Variants in PNLDC1 observed in about 807,000 individuals in gnomAD.
PNLDC1 encodes PARN like ribonuclease domain containing exonuclease 1, also known as poly(A)-specific ribonuclease PNLDC1.
PNLDC1 carries 70 observed loss-of-function variants against 82.0 expected under a neutral mutation model. The observed-to-expected ratio is 0.85, with a 90% CI of 0.70 to 1.04. PNLDC1 has a LOEUF of 1.04. Among genes scored for constraint, PNLDC1 ranks in the 50% least tolerant of loss-of-function variants. PNLDC1 has a pLI of 0.00. For missense variants in PNLDC1, 631 were observed against 661.1 expected, an observed-to-expected ratio of 0.95 and a Z score of 0.50; for synonymous variants, 280 against 249.3, an observed-to-expected ratio of 1.12 and a Z score of -1.16.
rs140700629 is a variant in PNLDC1, at chr6:159,819,258, C to T, written c.1438C>T (p.Arg480Trp). ...ACAGCAAACTTGTTTTGGCAGTGCG[C>T]GGAACATCCTGAAGGAGTACCGGGA... ...LLLTNKFKDARNILKEYRDHP... is the reference protein window; with the variant it reads ...LLLTNKFKDAWNILKEYRDHP... The change falls in exon 18 of 19, where the codon CGG becomes TGG. Residue 480 changes from arginine to tryptophan, a missense_variant. Coordinates refer to ENST00000392167, the MANE Select transcript of PNLDC1 (RefSeq NM_001271862.2). The surrounding 1 kb of genome is among the most constrained non-coding windows in gnomAD (Gnocchi z 4.6). 64 of 1,613,712 alleles carry T rather than the reference C, an allele frequency of 4.0e-5. No homozygotes were observed. Among genetic ancestry groups the T allele is most frequent in the Middle Eastern group, 3.3e-4 (2 of 6,084 alleles).
intron 13 of PNLDC1, among the ~76,000 whole-genome samples, 171 bp from the exon 14 acceptor site, chr6:159,816,372 C>T (rs1433196646): frequency 6.6e-6 from 1 of 151,270 alleles, no homozygotes; most frequent in Non-Finnish European, 1.5e-5. Flanking sequence ...GATCTTGGGG[C>T]TTTCTCCACC....
At chr6:159,808,545 A>AAAC (rs1562500006) in intron 7 of PNLDC1, among the ~76,000 whole-genome samples, 195 bp from the exon 8 acceptor site, 3 of 151,760 alleles carry the variant, frequency 2.0e-5, no homozygotes, top group Admixed American at 1.3e-4. Flanking sequence ...AAAAAAAAAA[A>AAAC]AACTCTTAGA....
chr6:159,812,647 G>A (rs1781682440), intron 11 of PNLDC1, among the ~76,000 whole-genome samples: 1 of 152,156 alleles, frequency 6.6e-6, no homozygotes, highest in South Asian at 2.1e-4. Context: ...AAAGCTCCCT[G>A]GGTGATTCTG....
At chr6:159,813,465 C>T in intron 11 of PNLDC1, 136 bp from the exon 12 acceptor site, 1 of 748,782 alleles carries the variant, frequency 1.3e-6, no homozygotes. Context: ...AGGATGGTTG[C>T]ACCATTTGAA....
rs749078078 is a variant in PNLDC1, at chr6:159,804,702, C to CG, written c.461+68dup. 6.3e-4 allele frequency: 787 copies of CG among 1,257,898 alleles called. 3 individuals are homozygous for CG. Among genetic ancestry groups the CG allele is most frequent in the Non-Finnish European group, 7.7e-4 (671 of 869,910 alleles). 77.9% of individuals were successfully genotyped at this position (1,257,898 alleles called of 1,614,324 possible). A position where few individuals can be genotyped will look rare whatever the true frequency, so the allele number is the denominator to read the frequency against. On this transcript the variant is annotated intron_variant, in intron 6 of 18. Coordinates refer to ENST00000392167, the MANE Select transcript of PNLDC1 (RefSeq NM_001271862.2). ...TGCTGTTGTCTGCATTTCCCGTGGGCGGGCGTGCCGTTTCCAGGAGTGTGG... is the reference window on the plus strand; with the variant it reads ...TGCTGTTGTCTGCATTTCCCGTGGGCGGGGCGTGCCGTTTCCAGGAGTGTGG...
Position 159,800,401 on chromosome 6 carries a change from C to A in PNLDC1, c.76+18C>A, listed in dbSNP as rs1312645825. 3 of 1,546,584 alleles carry A rather than the reference C, an allele frequency of 1.9e-6. No individual in the cohort carries two copies. Among genetic ancestry groups the A allele is most frequent in the Admixed American group, 2.0e-5 (1 of 50,910 alleles). ...CTTCGTGGGTGAAGAGCCTGGGATT[C>A]GCGGCTGTGCCGGACAGAGCCCCTT... On this transcript the variant is annotated intron_variant, in intron 1 of 18. Transcript: ENST00000392167.
intron 10 of PNLDC1, among the ~76,000 whole-genome samples, chr6:159,810,827 A>T (rs545027739): frequency 6.6e-6 from 1 of 152,340 alleles, no homozygotes; most frequent in South Asian, 2.1e-4. Flanking sequence ...TCCCCAAGAA[A>T]CAATGAAACA....
At position 159,800,814 on chromosome 6, in the gene PNLDC1, G is replaced by C; in HGVS notation, c.119G>C (p.Gly40Ala). The C allele has an allele frequency of 1.9e-6, 3 of 1,614,096 alleles. No individual in the cohort carries two copies. Among genetic ancestry groups the C allele is most frequent in the Non-Finnish European group, 2.5e-6 (3 of 1,180,010 alleles). ...EFTGLRSNLS[G>A]PQQISLFDLP... ...ACGGGCCTTCGTTCTAACCTGTCTG[G>C]GCCCCAGCAGATCAGGTAAAACTAA... is the stretch of plus-strand genomic sequence containing the variant. Residue 40 changes from glycine (G) to alanine (A), a missense_variant, in exon 2 of 19, where the codon GGG (glycine) becomes GCG (alanine). Gly to Ala is a moderately conservative substitution (Grantham distance 60, BLOSUM62 0). Transcript: ENST00000392167.
Position 159,819,405 on chromosome 6 carries a change from G to A in PNLDC1, c.1532+53G>A, listed in dbSNP as rs1377998912. The A allele has an allele frequency of 2.0e-6, 3 of 1,505,938 alleles. No individual in the cohort carries two copies. Among genetic ancestry groups the A allele is most frequent in the Admixed American group, 3.5e-5 (2 of 56,880 alleles). 93.3% of individuals were successfully genotyped at this position (1,505,938 alleles called of 1,614,324 possible). ...TGTCCTGGGGTCCTGGAGTGCCCGG[G>A]GTCCCAGCATCCCAGCATGGTCTGA... is the stretch of plus-strand genomic sequence containing the variant. On this transcript the variant is annotated intron_variant, in intron 18 of 18. Transcript: ENST00000392167. The surrounding 1 kb of genome is among the most constrained non-coding windows in gnomAD (Gnocchi z 4.6).
In PNLDC1 at chr6:159,801,157, G is replaced by A. The variant is rs1251733035; in HGVS notation, c.179G>A (p.Ser60Asn). The change falls in exon 3 of 19, where the codon AGT (serine) becomes AAT (asparagine). Residue 60 changes from serine to asparagine, a missense_variant. Physicochemically the swap from Ser to Asn is conservative, Grantham distance 46. Coordinates refer to ENST00000392167, the MANE Select transcript of PNLDC1 (RefSeq NM_001271862.2). ...PSEWYLKTRQ[S>N]VQQFTVCQIG... ...GAGTGGTATCTAAAGACCCGTCAGA[G>A]TGTTCAGCAATTTACAGTCTGTCAG... 2 of 1,614,166 alleles carry A rather than the reference G, an allele frequency of 1.2e-6. No homozygotes were observed. Among genetic ancestry groups the A allele is most frequent in the Admixed American group, 1.7e-5 (1 of 60,026 alleles).
intron 18 of PNLDC1, 129 bp from the exon 19 acceptor site, chr6:159,820,325 C>CG: frequency 5.9e-6 from 5 of 854,490 alleles, no homozygotes; most frequent in Non-Finnish European, 9.5e-6. Flanking sequence ...TCAGTGTTGT[C>CG]GTCGGGAGAG....
intron 7 of PNLDC1, among the ~76,000 whole-genome samples, chr6:159,806,700 T>G (rs1303789332): frequency 6.6e-6 from 1 of 152,224 alleles, no homozygotes; most frequent in Non-Finnish European, 1.5e-5. Context: ...AGCAGCCTCC[T>G]TGATTAAAAA....
At chr6:159,812,189 T>G (rs1413224242) in intron 11 of PNLDC1, among the ~76,000 whole-genome samples, 3 of 152,198 alleles carry the variant, frequency 2.0e-5, no homozygotes, top group Non-Finnish European at 4.4e-5. Context: ...GGTGAGCCAC[T>G]GCGCCCGGCC....
chr6:159,819,857 C>T lies in PNLDC1; in HGVS notation c.1532+505C>T, dbSNP rs1441011439. On this transcript the variant is annotated intron_variant, in intron 18 of 18. Transcript: ENST00000392167. This position sits in a 1 kb window ranked among gnomAD's most constrained non-coding sequence, Gnocchi z 4.6. ...GAGCAAAACAGCAAGGAGGGGGATG[C>T]AGGAGAAGGAACCAGTGCCCCCCAG... is the stretch of plus-strand genomic sequence containing the variant. Among the ~76,000 whole-genome samples, 4 of 152,008 alleles carry T rather than the reference C, an allele frequency of 2.6e-5. No individual in the cohort carries two copies. The highest frequency in any genetic ancestry group is 2.0e-4 in the Admixed American group (3 of 15,254).
At chr6:159,805,913 A>G in intron 6 of PNLDC1, 70 bp from the exon 7 acceptor site, 4 of 1,127,904 alleles carry the variant, frequency 3.5e-6, no homozygotes, top group Non-Finnish European at 4.1e-6. Context: ...AACTGCTCTC[A>G]TGTTAACATA....
rs1323164149 is a variant in PNLDC1, at chr6:159,816,576, A to T, written c.1094A>T (p.Asp365Val). ...ETKCPHEAAYDAFLCGSVLLK... is the reference protein window; with the variant it reads ...ETKCPHEAAYVAFLCGSVLLK... The stretch of plus-strand genomic sequence containing the variant: ...AAGTGCCCCCACGAAGCCGCGTATG[A>T]TGCCTTCCTCTGTGGGTCAGGTAAG... Residue 365 changes from aspartate to valine, a missense_variant, in exon 14 of 19, where the codon GAT becomes GTT. By Grantham distance (152) the Asp-to-Val change is radical. Coordinates refer to ENST00000392167, the MANE Select transcript of PNLDC1 (RefSeq NM_001271862.2). 6.2e-7 allele frequency: 1 copy of T among 1,612,774 alleles called. No individual in the cohort carries two copies. Among genetic ancestry groups the T allele is most frequent in the Admixed American group, 1.7e-5 (1 of 59,938 alleles).
Position 159,804,047 on chromosome 6 carries a change from A to AGT in PNLDC1, c.334_335dup (p.Gln113PhefsTer4). 1 of 1,614,162 alleles carries AGT rather than the reference A, an allele frequency of 6.2e-7. No homozygotes were observed. The highest frequency in any genetic ancestry group is 8.5e-7 in the Non-Finnish European group (1 of 1,180,002). Reference sequence around the variant, plus strand: ...CTCAGAATTCTCCTTCCAGGCTTCCAGTGTTCAGTTTTTGAATCAGTATGG... The same window carrying AGT: ...CTCAGAATTCTCCTTCCAGGCTTCCAGTGTGTTCAGTTTTTGAATCAGTATGG... On this transcript the variant is annotated frameshift_variant, in exon 5 of 19. Transcript: ENST00000392167. LOFTEE classifies it high-confidence loss of function.
chr6:159,818,710 G>C, intron 16 of PNLDC1, 56 bp downstream of exon 16: 1 of 1,532,864 alleles, frequency 6.5e-7, no homozygotes, highest in Non-Finnish European at 9.0e-7. Context: ...GGCTTTGCTG[G>C]GAAGCGGCCA....
chr6:159,803,214 A>T, intron 3 of PNLDC1, 57 bp from the exon 4 acceptor site: 1 of 1,544,318 alleles, frequency 6.5e-7, no homozygotes, highest in Non-Finnish European at 9.0e-7. Flanking sequence ...TTGTCTTTGT[A>T]GTGAAATTCA....
Sources: gnomAD v4.1 joint callset for allele counts (sites outside exome capture counted in the v4.1 genomes callset) on GRCh38, gnomAD v4.1.1 for gene constraint, Gnocchi (gnomAD v3.1) non-coding constraint, MANE v1.5 for transcripts, NCBI Gene and HGNC (gene_info 2026-07-23, HGNC 2026-07-21) for gene names.